Variants in PTPA observed in about 807,000 individuals in gnomAD.
The protein encoded by PTPA is serine/threonine-protein phosphatase 2A activator.
A neutral mutation model predicts 43.6 loss-of-function variants in PTPA; 13 were observed. The observed-to-expected ratio is 0.30, with a 90% confidence interval of 0.19 to 0.47. The LOEUF is 0.47. PTPA is among the 20% of genes least tolerant of loss of function. The pLI, the probability that PTPA is intolerant of heterozygous loss-of-function variation, is 0.99. For synonymous variants in PTPA, 172 were observed against 158.2 expected (o/e 1.09, Z -0.66); for missense variants, 329 against 411.9 (o/e 0.80, Z 1.74).
intron 9 of PTPA, among the ~76,000 whole-genome samples, chr9:129,143,964 C>T (rs187966807): frequency 7.2e-5 from 11 of 151,782 alleles, no homozygotes; most frequent in Non-Finnish European, 1.0e-4. Flanking sequence ...CCACCAGCCA[C>T]CTCCCAACCC....
intron 3 of PTPA, 93 bp downstream of exon 3, chr9:129,123,231 T>G (rs1849372647): frequency 8.9e-7 from 1 of 1,118,664 alleles, no homozygotes; most frequent in Non-Finnish European, 1.3e-6. Context: ...CTCAGCACCT[T>G]GGGAGGCCGA....
At chr9:129,118,241 A>G (rs1447868197) in intron 1 of PTPA, among the ~76,000 whole-genome samples, 1 of 150,130 alleles carries the variant, frequency 6.7e-6, no homozygotes, top group Non-Finnish European at 1.5e-5. Flanking sequence ...TTTAGTAGAG[A>G]TGGGGTTTCA....
At chr9:129,120,003 A>G (rs1368244799) in intron 1 of PTPA, among the ~76,000 whole-genome samples, 1 of 152,120 alleles carries the variant, frequency 6.6e-6, no homozygotes, top group Non-Finnish European at 1.5e-5. Flanking sequence ...TCATACCTGT[A>G]ATCCCAACAC....
In PTPA at chr9:129,136,460, C is replaced by A; in HGVS notation, c.561-11C>A. ...TTTTGCTACCTTCCCTTTCCCTGTC[C>A]TCCTGTGCAGGTACCTTGAGGTTAT... On this transcript the variant is annotated splice_polypyrimidine_tract_variant and intron_variant, in intron 6 of 9. Transcript: ENST00000393370. 1 of 1,608,204 alleles carries A rather than the reference C, an allele frequency of 6.2e-7. No homozygotes were observed. The highest frequency in any genetic ancestry group is 8.5e-7 in the Non-Finnish European group (1 of 1,176,786).
At chr9:129,131,403 G>C in intron 4 of PTPA, 119 bp from the exon 5 acceptor site, 1 of 810,448 alleles carries the variant, frequency 1.2e-6, no homozygotes. Context: ...TGTCAGAACA[G>C]GAACCAAGCT....
In PTPA at chr9:129,148,283, G is replaced by A. The variant is rs1851426087; in HGVS notation, c.*819G>A. ...TCTTTCCAGAACTTTCCCTGGCAGG[G>A]AGGGGATGGCAGAAACTCAGGGAGG... is the stretch of plus-strand genomic sequence containing the variant. On this transcript the variant is annotated 3_prime_UTR_variant, in exon 10 of 10. Transcript: ENST00000393370. The A allele has an allele frequency of 6.6e-6, 1 of 152,570 alleles. No homozygotes were observed. The highest frequency in any genetic ancestry group is 6.5e-5 in the Admixed American group (1 of 15,296). 9.5% of individuals were successfully genotyped at this position (152,570 alleles called of 1,614,324 possible).
Position 129,146,322 on chromosome 9 carries a change from C to A in PTPA, c.895-1065C>A, listed in dbSNP as rs190376854. 6.6e-5 allele frequency among the ~76,000 whole-genome samples: 10 copies of A among 152,328 alleles called. No homozygotes were observed. In the South Asian group the frequency reaches 1.9e-3, roughly 28 times the overall value. On this transcript the variant is annotated intron_variant, in intron 9 of 9. Transcript: ENST00000393370. ...GAGCTTGGTTTCCATCCTTCTTTCCCTCCCCTCCTGGCGCCTCTTTGGCCC... is the reference window on the plus strand; with the variant it reads ...GAGCTTGGTTTCCATCCTTCTTTCCATCCCCTCCTGGCGCCTCTTTGGCCC...
chr9:129,124,549 G>A (rs747147062), intron 3 of PTPA, among the ~76,000 whole-genome samples: 7 of 152,148 alleles, frequency 4.6e-5, no homozygotes, highest in Non-Finnish European at 1.0e-4. Flanking sequence ...CTTTTTGGAC[G>A]TTGTTTCAGA....
chr9:129,114,805 C>T (rs530356148), intron 1 of PTPA, among the ~76,000 whole-genome samples: 2 of 152,270 alleles, frequency 1.3e-5, no homozygotes, highest in African/African-American at 4.8e-5. Context: ...GGCGTGACCT[C>T]ATTTATCACC....
chr9:129,114,817 TC>T (rs1486885439), intron 1 of PTPA, among the ~76,000 whole-genome samples: 1 of 152,178 alleles, frequency 6.6e-6, no homozygotes, highest in Non-Finnish European at 1.5e-5. Context: ...TTTATCACCA[TC>T]CTGCCTTTGA....
chr9:129,136,462 C>G lies in PTPA; in HGVS notation c.561-9C>G. ...TTGCTACCTTCCCTTTCCCTGTCCT[C>G]CTGTGCAGGTACCTTGAGGTTATGC... On this transcript the variant is annotated splice_polypyrimidine_tract_variant and intron_variant, in intron 6 of 9. Transcript: ENST00000393370. 1 of 1,610,042 alleles carries G rather than the reference C, an allele frequency of 6.2e-7. No individual in the cohort carries two copies. Among genetic ancestry groups the G allele is most frequent in the Non-Finnish European group, 8.5e-7 (1 of 1,177,738 alleles).
chr9:129,121,664 T>C (rs1849257564), intron 2 of PTPA, among the ~76,000 whole-genome samples: 1 of 152,244 alleles, frequency 6.6e-6, no homozygotes, highest in Admixed American at 6.5e-5. Flanking sequence ...TTCTACCCAC[T>C]AGATGTTGGC....
chr9:129,147,639 C>T lies in PTPA; in HGVS notation c.*175C>T, dbSNP rs889136043. On this transcript the variant is annotated 3_prime_UTR_variant, in exon 10 of 10. Coordinates refer to ENST00000393370, the MANE Select transcript of PTPA (RefSeq NM_178000.3). ...GGCTCAGAGCATAAGGCTTCAGGGCCCAAGTTGGGAGAAGTGACCAAAGTG... is the reference window on the plus strand; with the variant it reads ...GGCTCAGAGCATAAGGCTTCAGGGCTCAAGTTGGGAGAAGTGACCAAAGTG... The T allele has an allele frequency of 7.4e-6, 5 of 679,478 alleles. No homozygotes were observed. The highest frequency in any genetic ancestry group is 1.2e-5 in the Non-Finnish European group (5 of 410,770). The allele number at this position is 679,478 out of a possible 1,614,324, so 42.1% of individuals were successfully genotyped here.
At chr9:129,123,685 C>A (rs1300010871) in intron 3 of PTPA, among the ~76,000 whole-genome samples, 1 of 148,224 alleles carries the variant, frequency 6.7e-6, no homozygotes, top group Non-Finnish European at 1.5e-5. Flanking sequence ...TTTTTTCTTT[C>A]TTTTTTTTTT....
chr9:129,139,843 C>G (rs1267181033), intron 8 of PTPA, among the ~76,000 whole-genome samples: 1 of 152,020 alleles, frequency 6.6e-6, no homozygotes, highest in Non-Finnish European at 1.5e-5. Flanking sequence ...CATGCCAAGA[C>G]TGCCCTGATA....
chr9:129,115,975 C>T (rs576131324), intron 1 of PTPA, among the ~76,000 whole-genome samples: 2 of 152,290 alleles, frequency 1.3e-5, no homozygotes, highest in African/African-American at 4.8e-5. Context: ...ATTCTTCTGC[C>T]TCAGCTTCGC....
intron 1 of PTPA, 69 bp from the exon 2 acceptor site, chr9:129,120,444 A>C: frequency 9.7e-7 from 1 of 1,033,644 alleles, no homozygotes; most frequent in Non-Finnish European, 1.4e-6. Flanking sequence ...AAAAAAGGTG[A>C]AAGGGAGTGT....
chr9:129,129,040 C>G lies in PTPA; in HGVS notation c.272C>G (p.Thr91Ser). 6.2e-7 allele frequency: 1 copy of G among 1,612,960 alleles called. No homozygotes were observed. The highest frequency in any genetic ancestry group is 8.5e-7 in the Non-Finnish European group (1 of 1,180,014). Reference sequence around the variant, plus strand: ...ACGCTGGACAGGTGGATTGATGAGACTCCTCCAGTGGACCAGCCCTCTCGG... The same window carrying G: ...ACGCTGGACAGGTGGATTGATGAGAGTCCTCCAGTGGACCAGCCCTCTCGG... ...LNTLDRWIDE[T>S]PPVDQPSRFG... Residue 91 changes from threonine (T) to serine (S), a missense_variant, in exon 4 of 10, where the codon ACT (threonine) becomes AGT (serine). By Grantham distance (58) the Thr-to-Ser change is moderately conservative. Coordinates refer to ENST00000393370, the MANE Select transcript of PTPA (RefSeq NM_178000.3).
chr9:129,111,396 T>C (rs1848468281), upstream of PTPA: 1 of 1,239,018 alleles, frequency 8.1e-7, no homozygotes, highest in Non-Finnish European at 1.0e-6. Flanking sequence ...TTAATAGGCT[T>C]GCTCCCTGAG....
Sources: gnomAD v4.1 joint callset for allele counts (sites outside exome capture counted in the v4.1 genomes callset) on GRCh38, gnomAD v4.1.1 for gene constraint, MANE v1.5 for transcripts, NCBI Gene and HGNC (gene_info 2026-07-23, HGNC 2026-07-21) for gene names.